The following VKORC1L1 variants were observed in gnomAD, a reference collection of about 807,000 sequenced individuals.
The protein encoded by VKORC1L1 is vitamin K epoxide reductase complex subunit 1L1.
VKORC1L1 carries 2 observed loss-of-function variants against 18.9 expected under a neutral mutation model. The observed-to-expected ratio is 0.11, with a 90% CI of 0.04 to 0.33. The LOEUF is 0.33. Among genes scored for constraint, VKORC1L1 ranks in the 10% least tolerant of loss-of-function variants. The pLI is 1.00. For missense variants in VKORC1L1, 123 were observed against 224.1 expected, an observed-to-expected ratio of 0.55 and a Z score of 2.88; for synonymous variants, 96 against 100.0, an observed-to-expected ratio of 0.96 and a Z score of 0.24.
rs1267580098 is a variant in VKORC1L1, at chr7:65,915,312, C to T, written c.195-33359C>T. Among the ~76,000 whole-genome samples, 3 of 151,884 alleles carry T rather than the reference C, an allele frequency of 2.0e-5. No individual in the cohort carries two copies. In the East Asian group the frequency reaches 5.8e-4, roughly 30 times the overall value. Reference sequence around the variant, plus strand: ...TTCACCGTGTTAGCCAGGATAGTCTCGATCTCCTGACCTCGTGATCCACCC... The same window carrying T: ...TTCACCGTGTTAGCCAGGATAGTCTTGATCTCCTGACCTCGTGATCCACCC... On this transcript the variant is annotated intron_variant, in intron 1 of 2. Transcript: ENST00000360768.
intron 1 of VKORC1L1, among the ~76,000 whole-genome samples, chr7:65,902,207 C>CA (rs989911964): frequency 1.3e-5 from 2 of 151,978 alleles, no homozygotes; most frequent in Admixed American, 6.6e-5. Context: ...CCAGAAATGA[C>CA]AGAGATGATG....
At chr7:65,874,917 C>T (rs1788800905) in intron 1 of VKORC1L1, among the ~76,000 whole-genome samples, 1 of 152,138 alleles carries the variant, frequency 6.6e-6, no homozygotes, top group African/African-American at 2.4e-5. Context: ...GCAAGAGCTG[C>T]ATGTTTGTGC....
chr7:65,929,267 G>T (rs1384662419), intron 1 of VKORC1L1, among the ~76,000 whole-genome samples: 1 of 152,112 alleles, frequency 6.6e-6, no homozygotes, highest in African/African-American at 2.4e-5. Context: ...AAAAAAATTA[G>T]CTGGGTGTGG....
At chr7:65,940,070 G>A (rs1270212765) in intron 1 of VKORC1L1, among the ~76,000 whole-genome samples, 2 of 151,808 alleles carry the variant, frequency 1.3e-5, no homozygotes, top group Admixed American at 1.3e-4. Flanking sequence ...TGTCACCCAG[G>A]CCGGAATGGA....
intron 1 of VKORC1L1, among the ~76,000 whole-genome samples, chr7:65,895,480 AATATATATAT>A (rs1162173957): frequency 0.031 from 1,331 of 42,658 alleles, 50 homozygotes; most frequent in African/African-American, 0.059. Context: ...AAAAAAAAAA[AATATATATAT>A]ATATATATAT....
intron 1 of VKORC1L1, among the ~76,000 whole-genome samples, chr7:65,906,544 T>C (rs2116406298): frequency 6.6e-6 from 1 of 152,246 alleles, no homozygotes; most frequent in East Asian, 1.9e-4. Flanking sequence ...AAGCAGATCT[T>C]GAATACACAC....
intron 1 of VKORC1L1, among the ~76,000 whole-genome samples, chr7:65,886,699 G>A (rs1460999407): frequency 1.3e-5 from 2 of 151,708 alleles, no homozygotes; most frequent in Non-Finnish European, 2.9e-5. Flanking sequence ...CACCATGCCC[G>A]GCTAATTTTT....
intron 1 of VKORC1L1, among the ~76,000 whole-genome samples, chr7:65,897,379 A>G (rs1789232431): frequency 6.6e-6 from 1 of 152,260 alleles, no homozygotes; most frequent in Non-Finnish European, 1.5e-5. Flanking sequence ...CCGTATATTA[A>G]TGGTAAGTTT....
Position 65,952,093 on chromosome 7 carries a change from T to G in VKORC1L1, c.305-1981T>G, listed in dbSNP as rs377277230. Among the ~76,000 whole-genome samples the G allele has an allele frequency of 7.9e-4, 121 of 152,350 alleles. 3 individuals carry two copies. In the South Asian group the frequency reaches 0.025, roughly 31 times the overall value. ...AGCAGTCTTAAGAAGTAGGCATGATTGTTATCCCAATTTTACAGTTGAGAA... is the reference window on the plus strand; with the variant it reads ...AGCAGTCTTAAGAAGTAGGCATGATGGTTATCCCAATTTTACAGTTGAGAA... On this transcript the variant is annotated intron_variant, in intron 2 of 2. Transcript: ENST00000360768.
In VKORC1L1 at chr7:65,954,057, C is replaced by T. The variant is rs751606792; in HGVS notation, c.305-17C>T. Reference sequence around the variant, plus strand: ...CAGCACCAAGGCCTGACTGAGCCTGCGTCTCTTCTCTTACAGGCATGACAG... The same window carrying T: ...CAGCACCAAGGCCTGACTGAGCCTGTGTCTCTTCTCTTACAGGCATGACAG... On this transcript the variant is annotated splice_polypyrimidine_tract_variant and intron_variant, in intron 2 of 2. Coordinates refer to ENST00000360768, the MANE Select transcript of VKORC1L1 (RefSeq NM_173517.6). 1.3e-5 allele frequency: 20 copies of T among 1,578,030 alleles called. No homozygotes were observed. The South Asian group carries it at 1.7e-4, about 14-fold the overall frequency.
At chr7:65,874,825 AAAT>A (rs1275925455) in intron 1 of VKORC1L1, among the ~76,000 whole-genome samples, 1 of 152,104 alleles carries the variant, frequency 6.6e-6, no homozygotes, top group Non-Finnish European at 1.5e-5. Context: ...AATAAAATAT[AAAT>A]AAATAATTTT....
rs993742416 is a variant in VKORC1L1 at position 65,955,903 on chromosome 7, T to A, written c.*1603T>A. The A allele has an allele frequency of 3.9e-5, 6 of 152,200 alleles. No homozygotes were observed. Among genetic ancestry groups the A allele is most frequent in the African/African-American group, 1.4e-4 (6 of 41,458 alleles). The allele number at this position is 152,200 out of a possible 1,614,324, so 9.4% of individuals were successfully genotyped here. Reference sequence around the variant, plus strand: ...ACGGGCTCTGCTCTGTAAACTCAAATGTGTAGAGTCAGCAACAATTCCGTA... The same window carrying A: ...ACGGGCTCTGCTCTGTAAACTCAAAAGTGTAGAGTCAGCAACAATTCCGTA... On this transcript the variant is annotated 3_prime_UTR_variant, in exon 3 of 3. Coordinates refer to ENST00000360768, the MANE Select transcript of VKORC1L1 (RefSeq NM_173517.6).
chr7:65,870,404 T>G (rs1441844093), upstream of VKORC1L1, among the ~76,000 whole-genome samples: 2 of 152,160 alleles, frequency 1.3e-5, no homozygotes, highest in Non-Finnish European at 1.5e-5. Flanking sequence ...CCCTCCAGCC[T>G]GGGCAACAAG....
intron 1 of VKORC1L1, among the ~76,000 whole-genome samples, chr7:65,923,665 C>A (rs1333498014): frequency 6.6e-6 from 1 of 152,198 alleles, no homozygotes; most frequent in Non-Finnish European, 1.5e-5. Flanking sequence ...ATTTTCCTTC[C>A]TGGCCTTGAC....
chr7:65,895,516 T>TATATATATACACAC (rs370356956), intron 1 of VKORC1L1, among the ~76,000 whole-genome samples: 38 of 71,556 alleles, frequency 5.3e-4, no homozygotes, highest in South Asian at 1.2e-3. Flanking sequence ...TATATATATA[T>TATATATATACACAC]ACACACACAC....
chr7:65,869,757 CCTT>C (rs1315963714), upstream of VKORC1L1, among the ~76,000 whole-genome samples: 3 of 145,644 alleles, frequency 2.1e-5, no homozygotes, highest in Non-Finnish European at 4.5e-5. Context: ...CTCAAGTAAT[CCTT>C]CTGCCTTGGC....
Position 65,954,495 on chromosome 7 carries a change from G to A in VKORC1L1, c.*195G>A, listed in dbSNP as rs1011376916. 1.6e-5 allele frequency: 16 copies of A among 972,684 alleles called. No individual in the cohort carries two copies. In the Admixed American group the frequency reaches 5.3e-4, roughly 32 times the overall value. The allele number at this position is 972,684 out of a possible 1,614,324, so 60.3% of individuals were successfully genotyped here. A position where few individuals can be genotyped will look rare whatever the true frequency, so the allele number is the denominator to read the frequency against. On this transcript the variant is annotated 3_prime_UTR_variant, in exon 3 of 3. Transcript: ENST00000360768. The stretch of plus-strand genomic sequence containing the variant: ...CTGTGTCAGTCTTCATTTTAAATAT[G>A]GATACAAAAAGGATACGCCGAGCCA...
intron 1 of VKORC1L1, among the ~76,000 whole-genome samples, chr7:65,936,586 G>A (rs1789945178): frequency 6.6e-6 from 1 of 152,210 alleles, no homozygotes; most frequent in African/African-American, 2.4e-5. Context: ...CAATTTGAAT[G>A]ATGGTTTATA....
Position 65,911,306 on chromosome 7 carries a change from G to A in VKORC1L1, c.195-37365G>A, listed in dbSNP as rs1336084292. Among the ~76,000 whole-genome samples, 8 of 152,036 alleles carry A rather than the reference G, an allele frequency of 5.3e-5. No individual in the cohort carries two copies. In the East Asian group the frequency reaches 5.8e-4, roughly 11 times the overall value. Reference sequence around the variant, plus strand: ...TGTTAAATTACAAATTTAAATACAGGCTTAAAATGAAAATGTTTGCAAAAT... The same window carrying A: ...TGTTAAATTACAAATTTAAATACAGACTTAAAATGAAAATGTTTGCAAAAT... On this transcript the variant is annotated intron_variant, in intron 1 of 2. Transcript: ENST00000360768.
Sources: allele counts gnomAD v4.1 joint callset (sites outside exome capture counted in the v4.1 genomes callset), GRCh38; gene constraint gnomAD v4.1.1; transcripts MANE v1.5; gene names NCBI Gene and HGNC (gene_info 2026-07-23, HGNC 2026-07-21).